PSMD1: variants seen among roughly 807,000 people sequenced by gnomAD.
PSMD1 encodes the protein proteasome 26S subunit, non-ATPase 1, also known as 26S proteasome non-ATPase regulatory subunit 1.
PSMD1 carries 18 observed loss-of-function variants against 119.0 expected under a neutral mutation model. The ratio of observed to expected loss-of-function variants is 0.15; its 90% CI spans 0.10 to 0.22. The LOEUF (loss-of-function observed/expected upper bound fraction) is 0.22, where lower values mean the gene tolerates loss of function less well. PSMD1 is among the 10% of genes least tolerant of loss of function. The probability of loss-of-function intolerance (pLI) is 1.00; values close to 1 mark genes in which losing one functional copy is unlikely to be tolerated. For missense variants in PSMD1, 702 were observed against 1,158.5 expected (o/e 0.61, Z 5.72); for synonymous variants, 374 against 396.6 (o/e 0.94, Z 0.68).
chr2:231,086,992 A>T (rs768161749), intron 15 of PSMD1, 125 bp from the exon 16 acceptor site: 5 of 647,958 alleles, frequency 7.7e-6, no homozygotes, highest in Non-Finnish European at 1.4e-5. Context: ...TGTGCAACAT[A>T]ATGTTTTGAT....
At chr2:231,162,070 C>T (rs1203865430) in intron 20 of PSMD1, among the ~76,000 whole-genome samples, 1 of 152,206 alleles carries the variant, frequency 6.6e-6, no homozygotes, top group Non-Finnish European at 1.5e-5. Flanking sequence ...ACAAGACCAA[C>T]TGTGAGGAGC....
intron 12 of PSMD1, among the ~76,000 whole-genome samples, chr2:231,080,643 T>C (rs1694287356): frequency 6.6e-6 from 1 of 152,198 alleles, no homozygotes; most frequent in Non-Finnish European, 1.5e-5. Context: ...GAAGTTGCAG[T>C]CTCTCAGAAG....
intron 24 of PSMD1, among the ~76,000 whole-genome samples, chr2:231,171,188 A>G (rs961354287): frequency 2.0e-5 from 3 of 152,092 alleles, no homozygotes; most frequent in Admixed American, 6.6e-5. Context: ...CTTCTCACTG[A>G]TTTTTCTCTC....
At chr2:231,092,111 C>T (rs1423378181) in intron 16 of PSMD1, among the ~76,000 whole-genome samples, 1 of 152,114 alleles carries the variant, frequency 6.6e-6, no homozygotes, top group African/African-American at 2.4e-5. Flanking sequence ...ATGACTATGG[C>T]TGAGACTATA....
At chr2:231,143,524 G>C (rs946424593) in intron 17 of PSMD1, among the ~76,000 whole-genome samples, 2 of 152,148 alleles carry the variant, frequency 1.3e-5, no homozygotes, top group Non-Finnish European at 2.9e-5. Flanking sequence ...CACCGTGCCC[G>C]GCCAGGGACA....
intron 18 of PSMD1, among the ~76,000 whole-genome samples, chr2:231,149,145 G>T (rs1170721083): frequency 6.6e-6 from 1 of 152,162 alleles, no homozygotes; most frequent in Admixed American, 6.5e-5. Flanking sequence ...TCCACACGTT[G>T]CCCTCTTAGT....
intron 16 of PSMD1, among the ~76,000 whole-genome samples, chr2:231,127,341 CT>C (rs899618423): frequency 3.3e-5 from 5 of 150,966 alleles, no homozygotes; most frequent in Non-Finnish European, 5.9e-5. Flanking sequence ...AGACTTGTAC[CT>C]TTTTTTGTGT....
intron 6 of PSMD1, among the ~76,000 whole-genome samples, 161 bp from the exon 7 acceptor site, chr2:231,072,028 T>C (rs1694053125): frequency 1.3e-5 from 2 of 152,222 alleles, no homozygotes; most frequent in South Asian, 4.1e-4. Flanking sequence ...AAAAATTTCA[T>C]CTAGTGCTGG....
At chr2:231,126,383 G>A (rs1185209747) in intron 16 of PSMD1, among the ~76,000 whole-genome samples, 1 of 152,012 alleles carries the variant, frequency 6.6e-6, no homozygotes, top group African/African-American at 2.4e-5. Context: ...AGGCTGCAGT[G>A]AGCTGAGATC....
rs765529223 is a variant in PSMD1 at position 231,083,742 on chromosome 2, T to C, written c.1701T>C (p.Ile567=). The change falls in exon 14 of 25, where the codon ATT becomes ATC. Residue 567 remains isoleucine, a synonymous_variant. Coordinates refer to ENST00000308696, the MANE Select transcript of PSMD1 (RefSeq NM_002807.4). ...YGRMEEADAL[I]ESLCRDKDPI... ...GGATGGAAGAGGCTGATGCTCTCAT[T>C]GAATCTCTCTGTCGTGACAAGGTGA... 12 of 1,614,056 alleles carry C rather than the reference T, an allele frequency of 7.4e-6. No individual in the cohort carries two copies. In the East Asian group the frequency reaches 1.6e-4, roughly 21 times the overall value.
At chr2:231,139,572 AAAAGAAG>A (rs1276770048) in intron 17 of PSMD1, among the ~76,000 whole-genome samples, 1 of 148,840 alleles carries the variant, frequency 6.7e-6, no homozygotes, top group Non-Finnish European at 1.5e-5. Context: ...AAAAAAAAAA[AAAAGAAG>A]AAGAAGAAGA....
At chr2:231,136,926 T>TTA (rs928936840) in intron 16 of PSMD1, among the ~76,000 whole-genome samples, 13 of 146,058 alleles carry the variant, frequency 8.9e-5, no homozygotes, top group Admixed American at 6.3e-4. Flanking sequence ...TTTGCCACTT[T>TTA]TATATATATA....
intron 16 of PSMD1, 104 bp from the exon 17 acceptor site, chr2:231,138,632 A>G: frequency 1.3e-6 from 1 of 757,710 alleles, no homozygotes; most frequent in Non-Finnish European, 2.3e-6. Context: ...TTAAATGCTC[A>G]TTGTTTCCTA....
At chr2:231,108,784 T>C (rs550294433) in intron 16 of PSMD1, 1 of 1,614,140 alleles carries the variant, frequency 6.2e-7, no homozygotes, top group Non-Finnish European at 8.5e-7. Context: ...AGGTGATATA[T>C]CGGCCAAATG....
chr2:231,156,547 T>C lies in PSMD1; in HGVS notation c.2218+2881T>C, dbSNP rs151181893. Among the ~76,000 whole-genome samples the C allele has an allele frequency of 7.8e-3, 1,189 of 152,288 alleles. 21 individuals carry two copies. Among genetic ancestry groups the C allele is most frequent in the African/African-American group, 0.027 (1,142 of 41,570 alleles). On this transcript the variant is annotated intron_variant, in intron 19 of 24. Coordinates refer to ENST00000308696, the MANE Select transcript of PSMD1 (RefSeq NM_002807.4). ...AAGTCCCTGACCTTTTTACTGTCTC[T>C]GTAGTTTTATTTTGTTTTAATAGAT...
At chr2:231,158,944 CA>C (rs968882680) in intron 19 of PSMD1, among the ~76,000 whole-genome samples, 1 of 151,798 alleles carries the variant, frequency 6.6e-6, no homozygotes, top group African/African-American at 2.4e-5. Flanking sequence ...GCCTTTTTTT[CA>C]GATGAAAAAT....
At chr2:231,097,448 A>G in intron 16 of PSMD1, among the ~76,000 whole-genome samples, 1 of 152,232 alleles carries the variant, frequency 6.6e-6, no homozygotes. Context: ...TAAAGGTGCA[A>G]CATTGAGTTT....
At chr2:231,124,181 T>G (rs531405920) in intron 16 of PSMD1, 1 of 188,230 alleles carries the variant, frequency 5.3e-6, no homozygotes, top group East Asian at 1.3e-4. Flanking sequence ...CTGAAAGTGG[T>G]AAAAACACTT....
At chr2:231,104,245 T>C (rs939197114) in intron 16 of PSMD1, among the ~76,000 whole-genome samples, 1 of 152,204 alleles carries the variant, frequency 6.6e-6, no homozygotes, top group Non-Finnish European at 1.5e-5. Context: ...CTTTGCTCTC[T>C]AGTTAACAAA....
Sources: gnomAD v4.1 joint callset for allele counts (sites outside exome capture counted in the v4.1 genomes callset) on GRCh38, gnomAD v4.1.1 for gene constraint, MANE v1.5 for transcripts, NCBI Gene and HGNC (gene_info 2026-07-23, HGNC 2026-07-21) for gene names.